The following EPHB3 variants were observed in gnomAD, a reference collection of about 807,000 sequenced individuals.
The protein encoded by EPHB3 is EPH receptor B3.
Under a neutral mutation model 100.2 loss-of-function variants are expected in EPHB3, and 33 were observed. The observed-to-expected ratio is 0.33, with a 90% CI of 0.25 to 0.44. The LOEUF (loss-of-function observed/expected upper bound fraction) is 0.44. EPHB3 is among the 20% of genes least tolerant of loss of function. The pLI is 1.00. For missense variants in EPHB3, 1,045 were observed against 1,378.3 expected, an observed-to-expected ratio of 0.76 and a Z score of 3.83; for synonymous variants, 526 against 554.7, an observed-to-expected ratio of 0.95 and a Z score of 0.73.
Position 184,573,980 on chromosome 3 carries a change from G to T in EPHB3, c.856+804G>T, listed in dbSNP as rs1010173766. Among the ~76,000 whole-genome samples the T allele has an allele frequency of 3.9e-5, 6 of 152,150 alleles. No individual in the cohort carries two copies. Among genetic ancestry groups the T allele is most frequent in the African/African-American group, 1.4e-4 (6 of 41,434 alleles). ...TCCACCCGCCTCGGCCTCCCAAAGC[G>T]TTGGGATTACAGGTGTAAGCCACCA... On this transcript the variant is annotated intron_variant, in intron 3 of 15. Coordinates refer to ENST00000330394, the MANE Select transcript of EPHB3 (RefSeq NM_004443.4). This position sits in a 1 kb window ranked among gnomAD's most constrained non-coding sequence, Gnocchi z 4.5.
chr3:184,577,931 C>G lies in EPHB3; in HGVS notation c.1673C>G (p.Pro558Arg). ...GCCCAGCAGCTCCAGGAGCAGCTTCCCCTCATCGTGGGCTCCGCTACAGCT... is the reference window on the plus strand; with the variant it reads ...GCCCAGCAGCTCCAGGAGCAGCTTCGCCTCATCGTGGGCTCCGCTACAGCT... ...SGAQQLQEQL[P>R]LIVGSATAGL... The change falls in exon 8 of 16, where the codon CCC becomes CGC. Residue 558 changes from proline to arginine, a missense_variant. By Grantham distance (103) the Pro-to-Arg change is moderately radical. Around this residue, in one of 2 missense-constraint regions of EPHB3, gnomAD observed 985 missense variants for 1,331.1 expected, o/e 0.74. Transcript: ENST00000330394. This position sits in a 1 kb window ranked among gnomAD's most constrained non-coding sequence, Gnocchi z 4.9. 1 of 1,614,034 alleles carries G rather than the reference C, an allele frequency of 6.2e-7. No individual in the cohort carries two copies. The highest frequency in any genetic ancestry group is 8.5e-7 in the Non-Finnish European group (1 of 1,179,968).
Position 184,581,062 on chromosome 3 carries a change from C to G in EPHB3, c.2629C>G (p.Arg877Gly). ...LHQLMLDCWV[R>G]DRNLRPKFSQ... is the part of the protein sequence containing the mutation. The stretch of plus-strand genomic sequence containing the variant: ...CCAGCTCATGCTGGACTGCTGGGTG[C>G]GGGACCGGAACCTCAGGCCCAAATT... The change falls in exon 14 of 16, where the codon CGG (arginine) becomes GGG (glycine). Residue 877 changes from arginine to glycine, a missense_variant. Around this residue, in one of 2 missense-constraint regions of EPHB3, gnomAD observed 985 missense variants for 1,331.1 expected, o/e 0.74. Transcript: ENST00000330394. The G allele has an allele frequency of 6.2e-7, 1 of 1,614,158 alleles. No individual in the cohort carries two copies. The highest frequency in any genetic ancestry group is 8.5e-7 in the Non-Finnish European group (1 of 1,180,026).
intron 4 of EPHB3, among the ~76,000 whole-genome samples, chr3:184,576,469 A>G (rs767285345): frequency 7.9e-5 from 12 of 152,120 alleles, no homozygotes; most frequent in South Asian, 2.1e-4. Flanking sequence ...GAGGGTGAGG[A>G]GGTGAATAAG....
Position 184,576,006 on chromosome 3 carries a change from T to C in EPHB3, c.1012+21T>C, listed in dbSNP as rs780925228. 2.5e-6 allele frequency: 4 copies of C among 1,588,480 alleles called. No individual in the cohort carries two copies. In the South Asian group the frequency reaches 3.4e-5, roughly 13 times the overall value. ...TACCAGTGAGTGAACGCGTGACCTC[T>C]CTTTCCCTCTGCAGGCCTTCCCTCT... On this transcript the variant is annotated intron_variant, in intron 4 of 15. Coordinates refer to ENST00000330394, the MANE Select transcript of EPHB3 (RefSeq NM_004443.4).
chr3:184,576,790 G>A lies in EPHB3; in HGVS notation c.1013-52G>A. 5 of 1,492,562 alleles carry A rather than the reference G, an allele frequency of 3.3e-6. No homozygotes were observed. The South Asian group carries it at 6.9e-5, about 21-fold the overall frequency. 92.5% of individuals were successfully genotyped at this position (1,492,562 alleles called of 1,614,324 possible). A position where few individuals can be genotyped will look rare whatever the true frequency, so the allele number is the denominator to read the frequency against. On this transcript the variant is annotated intron_variant, in intron 4 of 15. Transcript: ENST00000330394. The stretch of plus-strand genomic sequence containing the variant: ...AGTGTGCTGGAACTCCGGGCAGAGG[G>A]ATGGTCCTAGAGCCCCCAGCTCACT...
chr3:184,566,856 G>T (rs1188419571), intron 1 of EPHB3, among the ~76,000 whole-genome samples: 1 of 152,166 alleles, frequency 6.6e-6, no homozygotes, highest in Non-Finnish European at 1.5e-5. Flanking sequence ...TTTTGTTTTG[G>T]CTTGTTTTTT....
Position 184,576,828 on chromosome 3 carries a change from C to T in EPHB3, c.1013-14C>T. On this transcript the variant is annotated splice_polypyrimidine_tract_variant and intron_variant, in intron 4 of 15. Coordinates refer to ENST00000330394, the MANE Select transcript of EPHB3 (RefSeq NM_004443.4). ...CCCCCAGCTCACTACCTTCTCCCTC[C>T]ATATTCCTCACAGCCGTGCCATCTC... The T allele has an allele frequency of 1.3e-6, 2 of 1,529,152 alleles. No homozygotes were observed. The highest frequency in any genetic ancestry group is 1.8e-6 in the Non-Finnish European group (2 of 1,135,642). The allele number at this position is 1,529,152 out of a possible 1,614,324, so 94.7% of individuals were successfully genotyped here.
chr3:184,572,488 A>G lies in EPHB3; in HGVS notation c.184-16A>G, dbSNP rs1289449272. ...TGCAGGCATTCACTCTGTCTTTTTC[A>G]TTGGTCCATGCACAGTGGGAAGAGG... On this transcript the variant is annotated splice_polypyrimidine_tract_variant and intron_variant, in intron 2 of 15. Transcript: ENST00000330394. This position sits in a 1 kb window ranked among gnomAD's most constrained non-coding sequence, Gnocchi z 6.6. 1 of 1,538,598 alleles carries G rather than the reference A, an allele frequency of 6.5e-7. No homozygotes were observed. The highest frequency in any genetic ancestry group is 8.7e-7 in the Non-Finnish European group (1 of 1,150,136).
rs576582522 is a variant in EPHB3, at chr3:184,572,441, C to T, written c.184-63C>T. 6.6e-7 allele frequency: 1 copy of T among 1,504,562 alleles called. No homozygotes were observed. The highest frequency in any genetic ancestry group is 1.4e-5 in the South Asian group (1 of 72,486). The allele number at this position is 1,504,562 out of a possible 1,614,324, so 93.2% of individuals were successfully genotyped here. On this transcript the variant is annotated intron_variant, in intron 2 of 15. Transcript: ENST00000330394. The surrounding 1 kb of genome is among the most constrained non-coding windows in gnomAD (Gnocchi z 6.6). ...GTGAAGTAAATAGAGCAGATCTGGG[C>T]ACGAGGGAAGCACTTGGCAAATGCA...
chr3:184,562,298 TCCGCTGCTGCTGCTG>T lies in EPHB3; in HGVS notation c.81_95del (p.Leu28_Pro32del), dbSNP rs890986655. The T allele has an allele frequency of 8.0e-6, 10 of 1,248,082 alleles. No individual in the cohort carries two copies. Among genetic ancestry groups the T allele is most frequent in the African/African-American group, 1.6e-5 (1 of 63,440 alleles). 77.3% of individuals were successfully genotyped at this position (1,248,082 alleles called of 1,614,324 possible). A position where few individuals can be genotyped will look rare whatever the true frequency, so the allele number is the denominator to read the frequency against. ...CGCCGGGGCTTCTGCCGCTGCTCCC[TCCGCTGCTGCTGCTG>T]CCGCTGCTGCTGCTGCCCGCCGGCT... On this transcript the variant is annotated inframe_deletion, in exon 1 of 16. Coordinates refer to ENST00000330394, the MANE Select transcript of EPHB3 (RefSeq NM_004443.4). This position sits in a 1 kb window ranked among gnomAD's most constrained non-coding sequence, Gnocchi z 4.8.
chr3:184,576,151 C>T (rs1714671901), intron 4 of EPHB3, among the ~76,000 whole-genome samples, 166 bp downstream of exon 4: 1 of 152,216 alleles, frequency 6.6e-6, no homozygotes. Context: ...GAGGTGACTG[C>T]CCCTGAGCCA....
At position 184,575,835 on chromosome 3, in the gene EPHB3, C is replaced by G. The variant is rs775374120; in HGVS notation, c.862C>G (p.Pro288Ala). 1 of 1,602,490 alleles carries G rather than the reference C, an allele frequency of 6.2e-7. No homozygotes were observed. Among genetic ancestry groups the G allele is most frequent in the South Asian group, 1.1e-5 (1 of 88,836 alleles). ...CATCCTCTTCTCTCCCACAGCCTGTCCCCCTGGGAGCTACAAGGCGAAGCA... is the reference window on the plus strand; with the variant it reads ...CATCCTCTTCTCTCCCACAGCCTGTGCCCCTGGGAGCTACAAGGCGAAGCA... ...AAKESQCRPC[P>A]PGSYKAKQGE... Residue 288 changes from proline to alanine, a missense_variant, in exon 4 of 16, where the codon CCC (proline) becomes GCC (alanine). By Grantham distance (27) the Pro-to-Ala change is conservative. Transcript: ENST00000330394.
chr3:184,575,545 C>T (rs994666081), intron 3 of EPHB3, among the ~76,000 whole-genome samples: 2 of 151,916 alleles, frequency 1.3e-5, no homozygotes, highest in Admixed American at 6.5e-5. Flanking sequence ...CTCAACAAGC[C>T]CAGGCTGTCC....
chr3:184,576,609 A>G (rs902349669), intron 4 of EPHB3, among the ~76,000 whole-genome samples: 3 of 152,264 alleles, frequency 2.0e-5, no homozygotes, highest in Admixed American at 6.5e-5. Flanking sequence ...CATGTAGAGT[A>G]TAGGGCAAGG....
At chr3:184,564,787 G>A (rs1464001252) in intron 1 of EPHB3, among the ~76,000 whole-genome samples, 6 of 152,174 alleles carry the variant, frequency 3.9e-5, no homozygotes, top group Admixed American at 1.3e-4. Flanking sequence ...CCTGTATTCT[G>A]GGGCTTGGCA....
chr3:184,581,649 A>G lies in EPHB3; in HGVS notation c.*27A>G. The G allele has an allele frequency of 6.3e-7, 1 of 1,576,584 alleles. No homozygotes were observed. Among genetic ancestry groups the G allele is most frequent in the Non-Finnish European group, 8.6e-7 (1 of 1,162,184 alleles). On this transcript the variant is annotated 3_prime_UTR_variant, in exon 16 of 16. Transcript: ENST00000330394. ...ACCGGCTCCCACGGGGACCCTGAGG[A>G]CCGTGCAGGGATGCCAAGCAGCCGG...
Position 184,571,249 on chromosome 3 carries a change from C to T in EPHB3, c.119-69C>T. On this transcript the variant is annotated intron_variant, in intron 1 of 15. Transcript: ENST00000330394. The surrounding 1 kb of genome is among the most constrained non-coding windows in gnomAD (Gnocchi z 5.0). ...GATTACAGGTGTGAGCCACTTCGCTCATCTGTGATCTCTTCTGTCTCCTCA... is the reference window on the plus strand; with the variant it reads ...GATTACAGGTGTGAGCCACTTCGCTTATCTGTGATCTCTTCTGTCTCCTCA... 6.5e-7 allele frequency: 1 copy of T among 1,546,298 alleles called. No individual in the cohort carries two copies. Among genetic ancestry groups the T allele is most frequent in the Non-Finnish European group, 8.9e-7 (1 of 1,119,538 alleles).
chr3:184,581,298 C>A lies in EPHB3; in HGVS notation c.2778C>A (p.Thr926=). The A allele has an allele frequency of 6.2e-7, 1 of 1,607,714 alleles. No individual in the cohort carries two copies. Among genetic ancestry groups the A allele is most frequent in the Non-Finnish European group, 8.5e-7 (1 of 1,176,506 alleles). Residue 926 remains threonine (T), a synonymous_variant, in exon 15 of 16, where the codon ACC becomes ACA. Transcript: ENST00000330394. ...ACCGCACGGTCCCAGATTACACAAC[C>A]TTCACGACAGTTGGTGATTGGCTGG... is the stretch of plus-strand genomic sequence containing the variant. ...LLDRTVPDYT[T]FTTVGDWLDA...
Position 184,573,275 on chromosome 3 carries a change from G to T in EPHB3, c.856+99G>T, listed in dbSNP as rs1284957664. ...ACCCCTGCTTGCTATCTGACTAGGA[G>T]GTCTGGGAGCAGGTCCACAGTGGAG... is the stretch of plus-strand genomic sequence containing the variant. On this transcript the variant is annotated intron_variant, in intron 3 of 15. Coordinates refer to ENST00000330394, the MANE Select transcript of EPHB3 (RefSeq NM_004443.4). The surrounding 1 kb of genome is among the most constrained non-coding windows in gnomAD (Gnocchi z 4.5). 1.6e-5 allele frequency: 24 copies of T among 1,489,234 alleles called. No individual in the cohort carries two copies. Among genetic ancestry groups the T allele is most frequent in the Non-Finnish European group, 1.8e-6 (2 of 1,103,704 alleles). 92.3% of individuals were successfully genotyped at this position (1,489,234 alleles called of 1,614,324 possible). A position where few individuals can be genotyped will look rare whatever the true frequency, so the allele number is the denominator to read the frequency against.
Sources: gnomAD v4.1 joint callset for allele counts (sites outside exome capture counted in the v4.1 genomes callset) on GRCh38, gnomAD v4.1.1 for gene constraint, gnomAD v4.1.1 regional missense constraint, Gnocchi (gnomAD v3.1) non-coding constraint, MANE v1.5 for transcripts, NCBI Gene and HGNC (gene_info 2026-07-23, HGNC 2026-07-21) for gene names.